ENPP6: variants seen among roughly 807,000 people sequenced by gnomAD.
The protein encoded by ENPP6 is glycerophosphocholine cholinephosphodiesterase ENPP6.
ENPP6 carries 32 observed loss-of-function variants against 42.0 expected under a neutral mutation model. The ratio of observed to expected loss-of-function variants is 0.76; its 90% confidence interval spans 0.58 to 1.02. The LOEUF (loss-of-function observed/expected upper bound fraction) is 1.02. Among genes scored for constraint, ENPP6 ranks in the 50% least tolerant of loss-of-function variants. ENPP6 has a pLI of 0.00. For synonymous variants in ENPP6, 213 were observed against 216.0 expected, an observed-to-expected ratio of 0.99 and a Z score of 0.12; for missense variants, 552 against 566.8, an observed-to-expected ratio of 0.97 and a Z score of 0.27.
At chr4:184,191,417 A>C (rs1328302081) in intron 1 of ENPP6, among the ~76,000 whole-genome samples, 1 of 152,208 alleles carries the variant, frequency 6.6e-6, no homozygotes, top group Non-Finnish European at 1.5e-5. Context: ...TCCCTGCTTG[A>C]CTGAATCCGG....
chr4:184,097,403 T>C, intron 6 of ENPP6, 35 bp from the exon 7 acceptor site: 1 of 1,611,566 alleles, frequency 6.2e-7, no homozygotes, highest in African/African-American at 1.3e-5. Flanking sequence ...TGACACTACG[T>C]CCTGACCGTG....
intron 1 of ENPP6, among the ~76,000 whole-genome samples, chr4:184,160,432 T>C (rs949657067): frequency 1.3e-5 from 2 of 152,248 alleles, no homozygotes; most frequent in African/African-American, 4.8e-5. Flanking sequence ...GTTTGTTGGC[T>C]GTTTGTATAT....
chr4:184,216,299 T>G (rs982819606), intron 1 of ENPP6, among the ~76,000 whole-genome samples: 14 of 152,208 alleles, frequency 9.2e-5, no homozygotes, highest in African/African-American at 3.1e-4. Context: ...GACTGTTTTT[T>G]TGTCTGCTGG....
At chr4:184,187,551 C>T (rs76952760) in intron 1 of ENPP6, among the ~76,000 whole-genome samples, 46 of 152,304 alleles carry the variant, frequency 3.0e-4, no homozygotes, top group Non-Finnish European at 1.9e-4. Flanking sequence ...GCTTTGTTCT[C>T]GGATATCTAC....
intron 2 of ENPP6, among the ~76,000 whole-genome samples, chr4:184,152,007 G>A (rs1011041778): frequency 6.6e-6 from 1 of 152,206 alleles, no homozygotes; most frequent in African/African-American, 2.4e-5. Context: ...AATCTTAGGT[G>A]TCTTCTGAAG....
chr4:184,200,447 C>G (rs188869196), intron 1 of ENPP6, among the ~76,000 whole-genome samples: 1 of 152,226 alleles, frequency 6.6e-6, no homozygotes, highest in Admixed American at 6.5e-5. Flanking sequence ...AATTGGCTAT[C>G]GAGTCACTGT....
chr4:184,091,789 G>A (rs978420967), intron 7 of ENPP6, among the ~76,000 whole-genome samples: 12 of 152,084 alleles, frequency 7.9e-5, no homozygotes, highest in African/African-American at 1.9e-4. Flanking sequence ...CCAGCTACTC[G>A]GAAGGCTGAG....
intron 1 of ENPP6, among the ~76,000 whole-genome samples, chr4:184,180,666 T>C (rs2111100062): frequency 6.6e-6 from 1 of 152,306 alleles, no homozygotes; most frequent in South Asian, 2.1e-4. Context: ...TCCACCGTAG[T>C]GGAGTTGGCT....
intron 1 of ENPP6, among the ~76,000 whole-genome samples, chr4:184,196,270 C>T (rs1288387221): frequency 1.3e-5 from 2 of 152,254 alleles, no homozygotes; most frequent in East Asian, 3.8e-4. Flanking sequence ...ATGAGCTGTG[C>T]TTCCCCTGTG....
chr4:184,130,160 C>T (rs987889261), intron 2 of ENPP6, among the ~76,000 whole-genome samples: 7 of 152,090 alleles, frequency 4.6e-5, no homozygotes, highest in African/African-American at 7.2e-5. Context: ...GTTTGGAATG[C>T]GGTTGTGAGG....
intron 1 of ENPP6, among the ~76,000 whole-genome samples, chr4:184,213,426 G>A (rs1487894630): frequency 2.5e-3 from 382 of 151,960 alleles, no homozygotes; most frequent in African/African-American, 8.2e-3. Flanking sequence ...AAAAGTGGGC[G>A]AAGGACATGA....
chr4:184,188,126 A>C (rs1732662176), intron 1 of ENPP6, among the ~76,000 whole-genome samples: 1 of 152,198 alleles, frequency 6.6e-6, no homozygotes, highest in Non-Finnish European at 1.5e-5. Context: ...ATGCTCTTAC[A>C]GAAGACCATT....
At chr4:184,096,465 G>C (rs897495284) in intron 7 of ENPP6, among the ~76,000 whole-genome samples, 3 of 152,154 alleles carry the variant, frequency 2.0e-5, no homozygotes, top group African/African-American at 7.2e-5. Context: ...GTCAACTGAT[G>C]GTTGATGGCT....
intron 2 of ENPP6, among the ~76,000 whole-genome samples, chr4:184,133,530 C>G (rs1579627384): frequency 6.6e-6 from 1 of 152,120 alleles, no homozygotes; most frequent in African/African-American, 2.4e-5. Context: ...CCAAAACAGT[C>G]ATCTGTGAAT....
At chr4:184,100,024 A>C (rs1221631892) in intron 6 of ENPP6, among the ~76,000 whole-genome samples, 3 of 152,268 alleles carry the variant, frequency 2.0e-5, no homozygotes, top group African/African-American at 7.2e-5. Flanking sequence ...CTTACAGCCT[A>C]GATTCCACAA....
At chr4:184,115,736 C>T (rs374132113) in intron 5 of ENPP6, among the ~76,000 whole-genome samples, 3 of 152,294 alleles carry the variant, frequency 2.0e-5, no homozygotes, top group Non-Finnish European at 2.9e-5. Context: ...GAGCTGGGAA[C>T]GGTGGCTCCT....
chr4:184,092,474 A>C (rs912066368), intron 7 of ENPP6, among the ~76,000 whole-genome samples: 1 of 152,210 alleles, frequency 6.6e-6, no homozygotes, highest in Non-Finnish European at 1.5e-5. Flanking sequence ...ACACACAGGT[A>C]GGGTGGCCAC....
At chr4:184,212,191 C>T (rs1209707974) in intron 1 of ENPP6, among the ~76,000 whole-genome samples, 1 of 151,974 alleles carries the variant, frequency 6.6e-6, no homozygotes, top group East Asian at 1.9e-4. Flanking sequence ...GACAGGGATG[C>T]CCTCTCTCAC....
chr4:184,119,467 C>G (rs1282910927), intron 3 of ENPP6, among the ~76,000 whole-genome samples: 2 of 152,034 alleles, frequency 1.3e-5, no homozygotes, highest in African/African-American at 4.8e-5. Context: ...ATGTGCTGAG[C>G]ATATGACAAG....
Sources: gnomAD v4.1 joint callset for allele counts (sites outside exome capture counted in the v4.1 genomes callset) on GRCh38, gnomAD v4.1.1 for gene constraint, MANE v1.5 for transcripts, NCBI Gene and HGNC (gene_info 2026-07-23, HGNC 2026-07-21) for gene names.